The following CACNB2 variants were observed in gnomAD, a reference collection of about 807,000 sequenced individuals.
CACNB2 encodes the protein voltage-dependent L-type calcium channel subunit beta-2.
A neutral mutation model predicts 73.3 loss-of-function variants in CACNB2; 42 were observed. The ratio of observed to expected loss-of-function variants is 0.57; its 90% CI spans 0.45 to 0.74. The LOEUF (loss-of-function observed/expected upper bound fraction) is 0.74. CACNB2 is among the 30% of genes least tolerant of loss of function. The pLI is 0.00. For missense variants in CACNB2, 940 were observed against 853.0 expected (o/e 1.10, Z -1.27); for synonymous variants, 348 against 310.3 (o/e 1.12, Z -1.28).
At chr10:18,270,319 G>A (rs1444336093) in intron 2 of CACNB2, among the ~76,000 whole-genome samples, 1 of 152,138 alleles carries the variant, frequency 6.6e-6, no homozygotes, top group Non-Finnish European at 1.5e-5. Context: ...TCGACAAGGG[G>A]GGATTATGGG....
intron 2 of CACNB2, among the ~76,000 whole-genome samples, chr10:18,255,031 A>C (rs2037226200): frequency 6.6e-6 from 1 of 152,176 alleles, no homozygotes; most frequent in Admixed American, 6.5e-5. Flanking sequence ...GGGTAAAAGT[A>C]CTTCCTAGCT....
chr10:18,394,090 C>T (rs1183939699), intron 2 of CACNB2, among the ~76,000 whole-genome samples: 2 of 152,032 alleles, frequency 1.3e-5, no homozygotes, highest in African/African-American at 4.8e-5. Context: ...TACAAGCGCC[C>T]ACCACCATGC....
At chr10:18,503,176 C>T (rs7078884) in intron 5 of CACNB2, among the ~76,000 whole-genome samples, 91,358 of 152,032 alleles carry the variant, frequency 0.6, 28,357 homozygotes, top group East Asian at 0.97. Context: ...AGATGAACAG[C>T]GCATGTGCAT....
intron 1 of CACNB2, 48 bp downstream of exon 1, chr10:18,140,904 G>C: frequency 1.3e-6 from 2 of 1,559,834 alleles, no homozygotes; most frequent in South Asian, 1.2e-5. Flanking sequence ...CCGCCGGGCA[G>C]GGCACCGACC....
intron 3 of CACNB2, among the ~76,000 whole-genome samples, chr10:18,475,604 G>A (rs769886239): frequency 1.3e-5 from 2 of 152,112 alleles, no homozygotes; most frequent in Non-Finnish European, 2.9e-5. Flanking sequence ...TTGAATGAAG[G>A]GGTACCTTAT....
chr10:18,515,060 C>G, intron 7 of CACNB2: 1 of 1,589,092 alleles, frequency 6.3e-7, no homozygotes, highest in Non-Finnish European at 8.6e-7. Flanking sequence ...TTCCTATTGT[C>G]ATATATAAAT....
intron 3 of CACNB2, among the ~76,000 whole-genome samples, chr10:18,486,621 T>A (rs991139661): frequency 1.3e-5 from 2 of 152,130 alleles, no homozygotes; most frequent in African/African-American, 4.8e-5. Context: ...CCCTGCCAGA[T>A]TAGTTCTTGC....
intron 3 of CACNB2, among the ~76,000 whole-genome samples, chr10:18,406,782 T>C (rs562388432): frequency 6.6e-6 from 1 of 152,232 alleles, no homozygotes; most frequent in East Asian, 1.9e-4. Context: ...ATGGAACAAT[T>C]GTTTTCCCTG....
intron 2 of CACNB2, among the ~76,000 whole-genome samples, chr10:18,317,087 T>C (rs980814853): frequency 6.6e-6 from 1 of 151,962 alleles, no homozygotes; most frequent in Non-Finnish European, 1.5e-5. Flanking sequence ...CTTACAGCTG[T>C]CTCCCCATTC....
intron 2 of CACNB2, among the ~76,000 whole-genome samples, chr10:18,247,001 G>A (rs2036889419): frequency 6.6e-6 from 1 of 152,128 alleles, no homozygotes; most frequent in Admixed American, 6.5e-5. Context: ...ATTTCCACCT[G>A]CTGACCGTAG....
chr10:18,399,393 C>G (rs148358069), intron 2 of CACNB2, among the ~76,000 whole-genome samples: 1 of 152,166 alleles, frequency 6.6e-6, no homozygotes, highest in African/African-American at 2.4e-5. Context: ...AATAGGTGAT[C>G]TATTAATTTA....
chr10:18,534,290 G>T, intron 11 of CACNB2, 63 bp downstream of exon 11: 2 of 1,383,392 alleles, frequency 1.4e-6, no homozygotes, highest in Non-Finnish European at 2.1e-6. Context: ...TTTATGTTCT[G>T]CTTTCTATAA....
chr10:18,524,467 C>T (rs2052246850), intron 9 of CACNB2, among the ~76,000 whole-genome samples: 1 of 149,568 alleles, frequency 6.7e-6, no homozygotes, highest in Non-Finnish European at 1.5e-5. Context: ...ACCAGCCTGG[C>T]CAACATGGTG....
intron 3 of CACNB2, among the ~76,000 whole-genome samples, chr10:18,405,211 A>T (rs921429874): frequency 1.2e-4 from 19 of 152,186 alleles, no homozygotes; most frequent in African/African-American, 4.6e-4. Context: ...GTTTTAGAGC[A>T]TTCTCATTGC....
chr10:18,513,599 AT>A, intron 6 of CACNB2: 3 of 336,658 alleles, frequency 8.9e-6, no homozygotes, highest in East Asian at 8.5e-5. Context: ...TTTACGACCC[AT>A]TTTGAACTCG....
intron 2 of CACNB2, among the ~76,000 whole-genome samples, chr10:18,285,401 T>G (rs2038743784): frequency 6.6e-6 from 1 of 152,164 alleles, no homozygotes; most frequent in Admixed American, 6.6e-5. Context: ...GGTCACATGT[T>G]TTTCTGTGGT....
At chr10:18,366,847 C>A (rs982319636) in intron 2 of CACNB2, among the ~76,000 whole-genome samples, 2 of 151,994 alleles carry the variant, frequency 1.3e-5, no homozygotes, top group Non-Finnish European at 2.9e-5. Flanking sequence ...TTTGCCAGAG[C>A]ATCATTTCCT....
chr10:18,427,376 A>AGGC (rs2045662274), intron 3 of CACNB2, among the ~76,000 whole-genome samples: 1 of 151,982 alleles, frequency 6.6e-6, no homozygotes, highest in East Asian at 1.9e-4. Context: ...TGACTCTTGA[A>AGGC]GATTTTGGGG....
chr10:18,202,118 G>C (rs1015087244), intron 2 of CACNB2, among the ~76,000 whole-genome samples: 2 of 152,198 alleles, frequency 1.3e-5, no homozygotes, highest in African/African-American at 4.8e-5. Context: ...AGAGGGAAGA[G>C]TACATGCTTT....
Sources: allele counts gnomAD v4.1 joint callset (sites outside exome capture counted in the v4.1 genomes callset), GRCh38; gene constraint gnomAD v4.1.1; transcripts MANE v1.5; gene names NCBI Gene and HGNC (gene_info 2026-07-23, HGNC 2026-07-21).